TAFA1: variants seen among roughly 807,000 people sequenced by gnomAD.
TAFA1 encodes the protein TAFA chemokine like family member 1.
Under a neutral mutation model 18.5 loss-of-function variants are expected in TAFA1, and 4 were observed. The observed-to-expected ratio is 0.22, with a 90% CI of 0.11 to 0.49. TAFA1 has a LOEUF of 0.49. Among genes scored for constraint, TAFA1 ranks in the 20% least tolerant of loss-of-function variants. The pLI is 0.98. For missense variants in TAFA1, 147 were observed against 169.0 expected (o/e 0.87, Z 0.72); for synonymous variants, 56 against 55.2 (o/e 1.01, Z -0.06).
chr3:68,179,131 C>T (rs1012500055), intron 2 of TAFA1, among the ~76,000 whole-genome samples: 6 of 152,176 alleles, frequency 3.9e-5, no homozygotes, highest in Admixed American at 3.3e-4. Flanking sequence ...TTGAAACACA[C>T]ATCATCATTC....
At chr3:68,088,298 G>A (rs764273314) in intron 2 of TAFA1, among the ~76,000 whole-genome samples, 1 of 152,170 alleles carries the variant, frequency 6.6e-6, no homozygotes, top group Non-Finnish European at 1.5e-5. Context: ...ATCAGGCTCA[G>A]AATTTATCTT....
intron 3 of TAFA1, among the ~76,000 whole-genome samples, chr3:68,529,231 G>A (rs568586793): frequency 2.6e-5 from 4 of 151,732 alleles, no homozygotes; most frequent in East Asian, 2.0e-4. Context: ...TATTCCTAAC[G>A]TTGCCCTCCA....
intron 2 of TAFA1, among the ~76,000 whole-genome samples, chr3:68,281,952 A>G (rs1047162877): frequency 6.6e-6 from 1 of 152,214 alleles, no homozygotes; most frequent in East Asian, 1.9e-4. Flanking sequence ...TATAAAGGAA[A>G]GAAGTTTAAT....
chr3:68,453,726 T>G (rs965841119), intron 3 of TAFA1, among the ~76,000 whole-genome samples: 2 of 152,316 alleles, frequency 1.3e-5, no homozygotes, highest in African/African-American at 4.8e-5. Context: ...TGAGGAACTA[T>G]TTGTCAGGGT....
At chr3:68,042,744 A>C (rs929974637) in intron 2 of TAFA1, among the ~76,000 whole-genome samples, 3 of 152,184 alleles carry the variant, frequency 2.0e-5, no homozygotes, top group African/African-American at 7.2e-5. Context: ...TTTTCATGAC[A>C]TATCTTAGAA....
intron 2 of TAFA1, among the ~76,000 whole-genome samples, chr3:68,106,519 T>A (rs981814181): frequency 6.6e-6 from 1 of 152,122 alleles, no homozygotes; most frequent in African/African-American, 2.4e-5. Context: ...AGCTAATACA[T>A]ATTTGTAACT....
At chr3:68,441,313 G>T (rs1288257364) in intron 3 of TAFA1, among the ~76,000 whole-genome samples, 1 of 152,136 alleles carries the variant, frequency 6.6e-6, no homozygotes, top group Non-Finnish European at 1.5e-5. Context: ...AATGGTGCTT[G>T]AGGTGTCAGT....
chr3:68,209,002 T>TGGA (rs2066561967), intron 2 of TAFA1, among the ~76,000 whole-genome samples: 4 of 151,920 alleles, frequency 2.6e-5, no homozygotes, highest in African/African-American at 9.7e-5. Context: ...TGCCATTTCA[T>TGGA]GGATGGGGCC....
chr3:68,029,488 A>T (rs1704885796), intron 2 of TAFA1, among the ~76,000 whole-genome samples: 1 of 152,318 alleles, frequency 6.6e-6, no homozygotes, highest in Admixed American at 6.5e-5. Context: ...CTGTTCCAGT[A>T]AGTAAATCAA....
At chr3:68,123,868 CT>C (rs1176537206) in intron 2 of TAFA1, among the ~76,000 whole-genome samples, 79 of 67,204 alleles carry the variant, frequency 1.2e-3, no homozygotes, top group African/African-American at 5.1e-3. Context: ...AAGAACAACA[CT>C]TTTTTTTCCA....
At chr3:68,086,802 G>C (rs996317356) in intron 2 of TAFA1, among the ~76,000 whole-genome samples, 20 of 152,118 alleles carry the variant, frequency 1.3e-4, no homozygotes, top group Admixed American at 9.2e-4. Context: ...TAGTAGAGAG[G>C]CATTCTTTAT....
chr3:68,317,081 A>T (rs1406211739), intron 2 of TAFA1, among the ~76,000 whole-genome samples: 2 of 152,214 alleles, frequency 1.3e-5, no homozygotes, highest in African/African-American at 4.8e-5. Context: ...ATACATATTA[A>T]TTGAAGGGTC....
In TAFA1 at chr3:68,145,454, C is replaced by A. The variant is rs1476472188; in HGVS notation, c.118+138710C>A. The stretch of plus-strand genomic sequence containing the variant: ...AGAGGCTGTGAAAGGCTTATTAGAA[C>A]AAGGATGGCAAGTTGATTCCACCAC... On this transcript the variant is annotated intron_variant, in intron 2 of 4. Coordinates refer to ENST00000478136, the MANE Select transcript of TAFA1 (RefSeq NM_213609.4). The A allele has an allele frequency of 1.0e-5, 9 of 871,498 alleles. No homozygotes were observed. In the East Asian group the frequency reaches 1.7e-4, roughly 16 times the overall value. 54.0% of individuals were successfully genotyped at this position (871,498 alleles called of 1,614,324 possible).
At chr3:68,259,328 G>A (rs756511835) in intron 2 of TAFA1, among the ~76,000 whole-genome samples, 10 of 152,150 alleles carry the variant, frequency 6.6e-5, no homozygotes, top group Non-Finnish European at 1.2e-4. Flanking sequence ...AACAAGAAAA[G>A]GGATTTAGTT....
At chr3:68,358,212 T>C (rs1208355969) in intron 2 of TAFA1, among the ~76,000 whole-genome samples, 1 of 152,030 alleles carries the variant, frequency 6.6e-6, no homozygotes, top group Admixed American at 6.6e-5. Context: ...TACATAATTT[T>C]GAATTGTTTT....
chr3:68,386,372 A>C (rs1351433402), intron 2 of TAFA1, among the ~76,000 whole-genome samples: 2 of 152,176 alleles, frequency 1.3e-5, no homozygotes, highest in Non-Finnish European at 2.9e-5. Flanking sequence ...GGTGATGTGT[A>C]GTGACTGAGG....
chr3:68,364,208 T>G (rs2069525493), intron 2 of TAFA1, among the ~76,000 whole-genome samples: 1 of 152,174 alleles, frequency 6.6e-6, no homozygotes. Flanking sequence ...AGGATATAGC[T>G]CTCAGAATAT....
intron 2 of TAFA1, among the ~76,000 whole-genome samples, chr3:68,267,199 C>G (rs1235079300): frequency 6.6e-6 from 1 of 152,198 alleles, no homozygotes; most frequent in Non-Finnish European, 1.5e-5. Flanking sequence ...TCATTCCACA[C>G]TGTGGACATA....
At chr3:67,992,412 A>T in the TAFA1 span, among the ~76,000 whole-genome samples, 1 of 152,246 alleles carries the variant, frequency 6.6e-6, no homozygotes, top group Admixed American at 6.5e-5. Context: ...CAGGAACATT[A>T]TCATTGTTAG....
Sources: gnomAD v4.1 joint callset for allele counts (sites outside exome capture counted in the v4.1 genomes callset) on GRCh38, gnomAD v4.1.1 for gene constraint, MANE v1.5 for transcripts, NCBI Gene and HGNC (gene_info 2026-07-23, HGNC 2026-07-21) for gene names.